RNF220: variants seen among roughly 807,000 people sequenced by gnomAD.
The protein encoded by RNF220 is E3 ubiquitin-protein ligase RNF220.
A neutral mutation model predicts 67.1 loss-of-function variants in RNF220; 7 were observed. The ratio of observed to expected loss-of-function variants is 0.10; its 90% CI spans 0.06 to 0.20. The LOEUF (loss-of-function observed/expected upper bound fraction) is 0.20, where lower values mean the gene tolerates loss of function less well. RNF220 is among the 10% of genes least tolerant of loss of function. RNF220 has a pLI of 1.00. For synonymous variants in RNF220, 270 were observed against 283.2 expected (o/e 0.95, Z 0.47); for missense variants, 565 against 740.3 (o/e 0.76, Z 2.75).
chr1:44,575,956 C>A (rs1664775013), intron 2 of RNF220, among the ~76,000 whole-genome samples: 1 of 152,218 alleles, frequency 6.6e-6, no homozygotes, highest in Non-Finnish European at 1.5e-5. Context: ...GGCCCTGGGA[C>A]CACCAGGTTG....
At chr1:44,482,920 C>CTTTTTTTTTTTTTT (rs34268893) in intron 2 of RNF220, among the ~76,000 whole-genome samples, 1 of 69,120 alleles carries the variant, frequency 1.4e-5, no homozygotes, top group Non-Finnish European at 2.5e-5. Flanking sequence ...CACACCCAGC[C>CTTTTTTTTTTTTTT]TTTTTTTTTT....
chr1:44,553,565 C>T (rs1662842256), intron 2 of RNF220, among the ~76,000 whole-genome samples: 1 of 152,080 alleles, frequency 6.6e-6, no homozygotes, highest in Non-Finnish European at 1.5e-5. Context: ...AGGCCAAGGG[C>T]GTGGGATTCA....
intron 12 of RNF220, among the ~76,000 whole-genome samples, chr1:44,647,757 GT>G (rs1400564796): frequency 1.3e-5 from 2 of 152,158 alleles, no homozygotes; most frequent in Non-Finnish European, 2.9e-5. Flanking sequence ...CAGGCCACCT[GT>G]AAGCTCTCAA....
chr1:44,641,010 A>G (rs1462950858), intron 8 of RNF220, among the ~76,000 whole-genome samples: 7 of 152,104 alleles, frequency 4.6e-5, no homozygotes, highest in African/African-American at 1.7e-4. Context: ...CAGTTTCTCA[A>G]TCGATCATCT....
At chr1:44,613,976 A>G (rs1193840547) in intron 2 of RNF220, among the ~76,000 whole-genome samples, 189 bp from the exon 3 acceptor site, 1 of 152,158 alleles carries the variant, frequency 6.6e-6, no homozygotes. Context: ...AGGAGGTACC[A>G]TTCATGGCCA....
At chr1:44,589,194 A>G (rs270716) in intron 2 of RNF220, among the ~76,000 whole-genome samples, 109,593 of 152,126 alleles carry the variant, frequency 0.72, 40,165 homozygotes, top group Middle Eastern at 0.89. Flanking sequence ...GAAGCTATAC[A>G]GTGAGACAGT....
intron 2 of RNF220, among the ~76,000 whole-genome samples, chr1:44,503,922 T>C (rs988954359): frequency 6.6e-6 from 1 of 152,078 alleles, no homozygotes; most frequent in South Asian, 2.1e-4. Context: ...CAGTCTCGGC[T>C]CACTACAACC....
chr1:44,452,170 T>G (rs554077319), intron 2 of RNF220, among the ~76,000 whole-genome samples: 5 of 152,340 alleles, frequency 3.3e-5, no homozygotes, highest in African/African-American at 1.2e-4. Context: ...TGAATTCTGT[T>G]CTACTCCTTG....
At chr1:44,520,053 A>G (rs1401095528) in intron 2 of RNF220, among the ~76,000 whole-genome samples, 1 of 150,234 alleles carries the variant, frequency 6.7e-6, no homozygotes, top group East Asian at 2.0e-4. Context: ...CTGGAAAAAA[A>G]TAGAATGGTA....
At chr1:44,446,714 A>G (rs1330762047) in intron 2 of RNF220, among the ~76,000 whole-genome samples, 2 of 152,034 alleles carry the variant, frequency 1.3e-5, no homozygotes, top group Non-Finnish European at 1.5e-5. Context: ...ACATGCCACC[A>G]CGCCCAGCTA....
At chr1:44,535,537 C>G (rs1198417466) in intron 2 of RNF220, among the ~76,000 whole-genome samples, 2 of 152,180 alleles carry the variant, frequency 1.3e-5, no homozygotes, top group Non-Finnish European at 2.9e-5. Context: ...GAGCCCAGGC[C>G]AGATGTGTTC....
chr1:44,644,657 C>T (rs749593281), intron 8 of RNF220, 41 bp from the exon 9 acceptor site: 58 of 1,545,344 alleles, frequency 3.8e-5, no homozygotes, highest in East Asian at 6.7e-5. Flanking sequence ...CCCTTGGCCT[C>T]GTCTTGTCCC....
intron 2 of RNF220, among the ~76,000 whole-genome samples, chr1:44,459,559 T>A (rs1653555639): frequency 6.7e-6 from 1 of 150,184 alleles, no homozygotes; most frequent in Non-Finnish European, 1.5e-5. Context: ...GGAGACGAAG[T>A]AAGGGTAGAT....
At chr1:44,579,157 GA>G (rs60561357) in intron 2 of RNF220, among the ~76,000 whole-genome samples, 98 of 134,276 alleles carry the variant, frequency 7.3e-4, no homozygotes, top group African/African-American at 1.2e-3. Context: ...CTCTGTCTCA[GA>G]AAAAAAAAAA....
intron 2 of RNF220, among the ~76,000 whole-genome samples, chr1:44,476,977 A>G (rs1439059852): frequency 1.3e-5 from 2 of 152,210 alleles, no homozygotes; most frequent in Non-Finnish European, 2.9e-5. Flanking sequence ...GTTTTGGCCA[A>G]ATTGGTTGGT....
chr1:44,501,958 G>A (rs920996569), intron 2 of RNF220, among the ~76,000 whole-genome samples: 1 of 152,038 alleles, frequency 6.6e-6, no homozygotes, highest in South Asian at 2.1e-4. Context: ...GAAGGAGGAG[G>A]AAGGGAGCTA....
intron 2 of RNF220, among the ~76,000 whole-genome samples, chr1:44,433,210 G>T (rs1163136282): frequency 6.6e-6 from 1 of 152,176 alleles, no homozygotes; most frequent in Non-Finnish European, 1.5e-5. Context: ...GATTACAGGT[G>T]TGAGCCACCA....
At chr1:44,567,746 G>A (rs1285031751) in intron 2 of RNF220, among the ~76,000 whole-genome samples, 1 of 152,090 alleles carries the variant, frequency 6.6e-6, no homozygotes, top group South Asian at 2.1e-4. Flanking sequence ...TGCTCACTCA[G>A]TACACTCTGA....
At chr1:44,466,939 T>C (rs1654324831) in intron 2 of RNF220, among the ~76,000 whole-genome samples, 1 of 152,244 alleles carries the variant, frequency 6.6e-6, no homozygotes, top group African/African-American at 2.4e-5. Flanking sequence ...GCACCTAACA[T>C]GGTCAATCTG....
Sources: gnomAD v4.1 joint callset for allele counts (sites outside exome capture counted in the v4.1 genomes callset) on GRCh38, gnomAD v4.1.1 for gene constraint, MANE v1.5 for transcripts, NCBI Gene and HGNC (gene_info 2026-07-23, HGNC 2026-07-21) for gene names.